Variants in MBNL2 observed in about 807,000 individuals in gnomAD.
The protein encoded by MBNL2 is muscleblind like splicing regulator 2, also known as muscleblind-like protein 2.
In MBNL2, 17 loss-of-function variants were observed where a neutral mutation model predicts 41.9. The observed-to-expected ratio is 0.41, with a 90% CI of 0.28 to 0.61. MBNL2 has a LOEUF of 0.61. MBNL2 is among the 20% of genes least tolerant of loss of function. The pLI, the probability that MBNL2 is intolerant of heterozygous loss-of-function variation, is 0.35. For synonymous variants in MBNL2, 195 were observed against 182.9 expected (o/e 1.07, Z -0.53); for missense variants, 336 against 505.6 (o/e 0.66, Z 3.22).
chr13:97,278,669 A>G (rs1002945118), intron 2 of MBNL2, among the ~76,000 whole-genome samples: 2 of 152,232 alleles, frequency 1.3e-5, no homozygotes, highest in Non-Finnish European at 2.9e-5. Context: ...ACAGCATTCA[A>G]GTAAAAAAGG....
At chr13:97,382,448 C>A (rs1272694248) in intron 8 of MBNL2, among the ~76,000 whole-genome samples, 1 of 152,210 alleles carries the variant, frequency 6.6e-6, no homozygotes, top group Non-Finnish European at 1.5e-5. Flanking sequence ...ACCTCCTCCA[C>A]CTGCTGGAGC....
intron 2 of MBNL2, among the ~76,000 whole-genome samples, chr13:97,298,071 A>G (rs780722324): frequency 4.6e-5 from 7 of 152,198 alleles, no homozygotes; most frequent in Non-Finnish European, 8.8e-5. Flanking sequence ...GGACCTCTTC[A>G]GTATATTAGA....
chr13:97,160,283 T>G, the MBNL2 span, among the ~76,000 whole-genome samples: 1 of 152,190 alleles, frequency 6.6e-6, no homozygotes, highest in Admixed American at 6.6e-5. Context: ...TTTGCTCACC[T>G]TGTGAGCTGG....
intron 1 of MBNL2, among the ~76,000 whole-genome samples, chr13:97,232,596 G>T (rs1377138367): frequency 6.6e-6 from 1 of 152,144 alleles, no homozygotes; most frequent in African/African-American, 2.4e-5. Flanking sequence ...TTGTCCACCA[G>T]TTCTTACTTG....
At chr13:97,151,358 C>T in the MBNL2 span, among the ~76,000 whole-genome samples, 1 of 152,154 alleles carries the variant, frequency 6.6e-6, no homozygotes, top group Admixed American at 6.5e-5. Context: ...TTCCTTTCCC[C>T]AACCCTGGCA....
intron 1 of MBNL2, among the ~76,000 whole-genome samples, chr13:97,224,435 C>T (rs72637444): frequency 0.035 from 5,378 of 152,114 alleles, 146 homozygotes; most frequent in Admixed American, 0.083. Context: ...ACAAAGGAAC[C>T]TTTTAAAAAA....
chr13:97,328,854 A>T (rs1356516503), intron 2 of MBNL2, among the ~76,000 whole-genome samples: 2 of 151,964 alleles, frequency 1.3e-5, no homozygotes, highest in Non-Finnish European at 2.9e-5. Flanking sequence ...ATTTTTTTTC[A>T]ATTAGGAGCA....
At chr13:97,381,419 G>C (rs2065443888) in intron 8 of MBNL2, among the ~76,000 whole-genome samples, 1 of 152,016 alleles carries the variant, frequency 6.6e-6, no homozygotes, top group Admixed American at 6.5e-5. Flanking sequence ...GCCAAAATGT[G>C]CCCAGGATTC....
At chr13:97,155,727 C>A in the MBNL2 span, among the ~76,000 whole-genome samples, 2 of 152,102 alleles carry the variant, frequency 1.3e-5, no homozygotes, top group Non-Finnish European at 2.9e-5. Flanking sequence ...GACATGAACT[C>A]ATCCTTTTTT....
intron 2 of MBNL2, among the ~76,000 whole-genome samples, chr13:97,325,141 C>T (rs1044964603): frequency 6.6e-6 from 1 of 152,150 alleles, no homozygotes; most frequent in Non-Finnish European, 1.5e-5. Flanking sequence ...AACCAAACTA[C>T]CCCCGTGACT....
chr13:97,229,553 A>G (rs902399080), intron 1 of MBNL2, among the ~76,000 whole-genome samples: 1 of 152,198 alleles, frequency 6.6e-6, no homozygotes, highest in Non-Finnish European at 1.5e-5. Flanking sequence ...CTGATCTAAA[A>G]AAAAACATTC....
chr13:97,148,344 G>C, the MBNL2 span, among the ~76,000 whole-genome samples: 2 of 151,660 alleles, frequency 1.3e-5, no homozygotes, highest in Non-Finnish European at 2.9e-5. Context: ...TTTCAATTTG[G>C]TAAGGCCCAG....
At chr13:97,175,480 C>T in the MBNL2 span, among the ~76,000 whole-genome samples, 1 of 152,168 alleles carries the variant, frequency 6.6e-6, no homozygotes, top group East Asian at 1.9e-4. Context: ...AAGAGGACCC[C>T]ATCCTGAGTA....
intron 6 of MBNL2, 60 bp downstream of exon 6, chr13:97,356,909 T>C: frequency 9.3e-7 from 1 of 1,070,192 alleles, no homozygotes; most frequent in Non-Finnish European, 1.3e-6. Flanking sequence ...ATCTGAGATT[T>C]GTATTACTTG....
intron 4 of MBNL2, among the ~76,000 whole-genome samples, chr13:97,344,666 T>C (rs1174607547): frequency 6.6e-6 from 1 of 152,214 alleles, no homozygotes; most frequent in Non-Finnish European, 1.5e-5. Flanking sequence ...AGATCCAGCC[T>C]ACCCTTGTCA....
At chr13:97,329,547 G>A (rs1198726550) in intron 2 of MBNL2, among the ~76,000 whole-genome samples, 2 of 107,802 alleles carry the variant, frequency 1.9e-5, no homozygotes, top group Admixed American at 2.0e-4. Context: ...AGAGCTGCGT[G>A]CCTGCCCCTA....
At chr13:97,387,569 G>A (rs2066025051) in intron 8 of MBNL2, among the ~76,000 whole-genome samples, 1 of 152,194 alleles carries the variant, frequency 6.6e-6, no homozygotes, top group Non-Finnish European at 1.5e-5. Context: ...CTCTGAAGCA[G>A]GCTCCATGAG....
chr13:97,229,996 A>C (rs918642459), intron 1 of MBNL2, among the ~76,000 whole-genome samples: 6 of 152,098 alleles, frequency 3.9e-5, no homozygotes, highest in African/African-American at 1.4e-4. Context: ...ACGCAGTGAG[A>C]GCTTAGAAGA....
chr13:97,176,557 A>G, the MBNL2 span, among the ~76,000 whole-genome samples: 3 of 152,202 alleles, frequency 2.0e-5, no homozygotes, highest in Non-Finnish European at 4.4e-5. Context: ...GAGGGTTCAG[A>G]GGATGCAATA....
Sources: gnomAD v4.1 joint callset for allele counts (sites outside exome capture counted in the v4.1 genomes callset) on GRCh38, gnomAD v4.1.1 for gene constraint, MANE v1.5 for transcripts, NCBI Gene and HGNC (gene_info 2026-07-23, HGNC 2026-07-21) for gene names.